The following MUC4 variants were observed in gnomAD, a reference collection of about 807,000 sequenced individuals.
The protein encoded by MUC4 is mucin 4, cell surface associated.
Under a neutral mutation model 257.9 loss-of-function variants are expected in MUC4, and 202 were observed. The observed-to-expected ratio is 0.78, with a 90% CI of 0.70 to 0.88. The LOEUF is 0.88. Ranked by LOEUF, MUC4 falls within the 40% of genes least tolerant of loss-of-function variation. The probability of loss-of-function intolerance (pLI) is 0.00; values close to 1 mark genes in which losing one functional copy is unlikely to be tolerated. For synonymous variants in MUC4, 2,351 were observed against 2,757.1 expected, an observed-to-expected ratio of 0.85 and a Z score of 4.62; for missense variants, 5,976 against 6,513.7, an observed-to-expected ratio of 0.92 and a Z score of 2.84.
chr3:195,792,031 A>T (rs907612024), intron 1 of MUC4, among the ~76,000 whole-genome samples: 2 of 152,206 alleles, frequency 1.3e-5, no homozygotes, highest in Admixed American at 1.3e-4. Flanking sequence ...AACCATGAAA[A>T]CCCTAGAAGA....
chr3:195,768,892 C>T, intron 7 of MUC4, 130 bp downstream of exon 7: 1 of 1,221,982 alleles, frequency 8.2e-7, no homozygotes, highest in Non-Finnish European at 1.1e-6. Context: ...GAGCTGGAGT[C>T]AGCGTGAGTC....
rs1477932996 is a variant in MUC4, at chr3:195,777,853, A to G, written c.12943+450T>C. ...TACCTTCCACATCCATACCTTCCAC[A>G]CCCATACCTTCCACACCCATACCTT... is the stretch of plus-strand genomic sequence containing the variant. On this transcript the variant is annotated intron_variant, in intron 3 of 24. Coordinates refer to ENST00000463781, the MANE Select transcript of MUC4 (RefSeq NM_018406.7). Among the ~76,000 whole-genome samples the G allele has an allele frequency of 6.2e-3, 430 of 69,820 alleles. 1 individual carries two copies. The highest frequency in any genetic ancestry group is 0.015 in the African/African-American group (176 of 11,666). The allele number at this position is 69,820 out of a possible 152,430, so 45.8% of individuals were successfully genotyped here. A position where few individuals can be genotyped will look rare whatever the true frequency, so the allele number is the denominator to read the frequency against.
At position 195,785,723 on chromosome 3, in the gene MUC4, G is replaced by A. The variant is rs1560368795; in HGVS notation, c.5857C>T (p.Leu1953Phe). Residue 1953 changes from leucine to phenylalanine, a missense_variant, in exon 2 of 25, where the codon CTT becomes TTT. Coordinates refer to ENST00000463781, the MANE Select transcript of MUC4 (RefSeq NM_018406.7). ...SSASSGHTTP[L>F]PVTDASSVPT... Reference sequence around the variant, plus strand: ...ACTGAGGAAGCGTCGGTGACAGGAAGAGGGGTGGTGTGACCTGAGGATGCT... The same window carrying A: ...ACTGAGGAAGCGTCGGTGACAGGAAAAGGGGTGGTGTGACCTGAGGATGCT... 1 of 1,382,026 alleles carries A rather than the reference G, an allele frequency of 7.2e-7. No homozygotes were observed. The highest frequency in any genetic ancestry group is 1.6e-5 in the African/African-American group (1 of 63,204). 85.6% of individuals were successfully genotyped at this position (1,382,026 alleles called of 1,614,324 possible).
chr3:195,807,184 GT>G (rs1348160163), intron 1 of MUC4, among the ~76,000 whole-genome samples: 2 of 152,134 alleles, frequency 1.3e-5, no homozygotes, highest in Non-Finnish European at 2.9e-5. Context: ...CCTCTATGAA[GT>G]AGGGCCAGGC....
At chr3:195,778,481 G>C (rs2148903193) in intron 2 of MUC4, 26 bp from the exon 3 acceptor site, 1 of 1,608,004 alleles carries the variant, frequency 6.2e-7, no homozygotes, top group Non-Finnish European at 8.5e-7. Context: ...GACAAGGCGG[G>C]GTGTTTCTTA....
chr3:195,801,034 A>T (rs1239372382), intron 1 of MUC4, among the ~76,000 whole-genome samples: 1 of 152,104 alleles, frequency 6.6e-6, no homozygotes, highest in Non-Finnish European at 1.5e-5. Flanking sequence ...GATAGTATCC[A>T]CTCTTAACAA....
In MUC4 at chr3:195,784,497, T is replaced by G. The variant is rs1484143994; in HGVS notation, c.7083A>C (p.Val2361=). Residue 2361 remains valine, a synonymous_variant, in exon 2 of 25, where the codon GTA becomes GTC. Transcript: ENST00000463781. ...TPLHVTDASS[V]STGDTTPLPV... is the part of the protein sequence containing the mutation. ...GAAGAGGGGTGGTGTCACCTGTGGA[T>G]ACTGAGGAAGCGTCGGTGACATGAA... The G allele has an allele frequency of 6.5e-7, 1 of 1,533,628 alleles. No individual in the cohort carries two copies. The highest frequency in any genetic ancestry group is 1.6e-5 in the African/African-American group (1 of 64,462).
intron 4 of MUC4, among the ~76,000 whole-genome samples, chr3:195,772,653 A>G (rs865969768): frequency 1.9e-4 from 18 of 95,226 alleles, no homozygotes; most frequent in African/African-American, 5.5e-4. Context: ...TCTCTCTATC[A>G]CTCAGCAGGT....
rs762238021 is a variant in MUC4, at chr3:195,780,023, C to G, written c.11557G>C (p.Asp3853His). 2.9e-4 allele frequency: 201 copies of G among 689,750 alleles called. 19 individuals carry two copies. Among genetic ancestry groups the G allele is most frequent in the Middle Eastern group, 2.6e-3 (5 of 1,914 alleles). The allele number at this position is 689,750 out of a possible 1,614,324, so 42.7% of individuals were successfully genotyped here. ...VTIPSSVSTG[D>H]TMPLPVTSPS... ...CTAGTGACAGGAAGAGGCATGGTGTCACCTGTGGATACTGAGGAAGGGATG... is the reference window on the plus strand; with the variant it reads ...CTAGTGACAGGAAGAGGCATGGTGTGACCTGTGGATACTGAGGAAGGGATG... The change falls in exon 2 of 25, where the codon GAC becomes CAC. Residue 3853 changes from aspartate (D) to histidine (H), a missense_variant. This residue lies in a region of MUC4 where 330 missense variants were observed against 262.0 expected (regional missense o/e 1.26). Transcript: ENST00000463781.
intron 8 of MUC4, 114 bp from the exon 9 acceptor site, chr3:195,765,563 C>T (rs964140047): frequency 9.5e-7 from 1 of 1,054,302 alleles, no homozygotes; most frequent in Non-Finnish European, 1.3e-6. Flanking sequence ...CACTTCTCAC[C>T]TCTTTGGACC....
intron 1 of MUC4, among the ~76,000 whole-genome samples, chr3:195,799,952 T>C (rs1735086778): frequency 6.6e-6 from 1 of 152,168 alleles, no homozygotes; most frequent in Admixed American, 6.5e-5. Flanking sequence ...ACAGGCCCCA[T>C]CCCTCACCTG....
intron 5 of MUC4, among the ~76,000 whole-genome samples, chr3:195,771,425 T>A (rs1210706898): frequency 6.6e-6 from 1 of 151,350 alleles, no homozygotes; most frequent in Non-Finnish European, 1.5e-5. Context: ...TCCTGGTCAG[T>A]CTCGTGGTTG....
At chr3:195,800,234 C>T (rs905780705) in intron 1 of MUC4, among the ~76,000 whole-genome samples, 3 of 151,832 alleles carry the variant, frequency 2.0e-5, no homozygotes, top group Middle Eastern at 3.2e-3. Context: ...GCCGAGATCG[C>T]GCCACTGCAC....
At position 195,791,274 on chromosome 3, in the gene MUC4, A is replaced by C. The variant is rs540508077; in HGVS notation, c.306T>G (p.Phe102Leu). 1 of 1,451,262 alleles carries C rather than the reference A, an allele frequency of 6.9e-7. No individual in the cohort carries two copies. The highest frequency in any genetic ancestry group is 1.2e-5 in the South Asian group (1 of 82,276). 89.9% of individuals were successfully genotyped at this position (1,451,262 alleles called of 1,614,324 possible). ...TCACATTGTGTACACTTGGGGAAGA[A>C]AAAAGAGTTGATGTCATCATCTGCG... is the stretch of plus-strand genomic sequence containing the variant. ...TLTQMMTSTL[F>L]SSPSVHNVME... Residue 102 changes from phenylalanine to leucine, a missense_variant, in exon 2 of 25, where the codon TTT becomes TTG. Phe to Leu is a conservative substitution (Grantham distance 22). Transcript: ENST00000463781.
At chr3:195,762,047 G>A in intron 14 of MUC4, 40 bp downstream of exon 14, 1 of 1,550,326 alleles carries the variant, frequency 6.5e-7, no homozygotes. Context: ...GCTCCGGCTG[G>A]CTCCGCGGAG....
At chr3:195,775,626 C>T in intron 3 of MUC4, among the ~76,000 whole-genome samples, 1 of 101,796 alleles carries the variant, frequency 9.8e-6, no homozygotes, top group East Asian at 3.1e-4. Flanking sequence ...ACAGTCATAC[C>T]TTCCACACCC....
intron 16 of MUC4, among the ~76,000 whole-genome samples, chr3:195,760,388 G>A (rs886654844): frequency 1.3e-5 from 2 of 152,190 alleles, no homozygotes; most frequent in Non-Finnish European, 2.9e-5. Flanking sequence ...CAGCACGTGT[G>A]AAGCCTGGGA....
At chr3:195,799,597 C>G (rs1489787500) in intron 1 of MUC4, among the ~76,000 whole-genome samples, 1 of 152,112 alleles carries the variant, frequency 6.6e-6, no homozygotes, top group Non-Finnish European at 1.5e-5. Flanking sequence ...CCACCGCGCC[C>G]GGCCTAAACA....
rs372060259 is a variant in MUC4 at position 195,750,849 on chromosome 3, G to A, written c.15871+40C>T. 8 of 1,582,360 alleles carry A rather than the reference G, an allele frequency of 5.1e-6. No homozygotes were observed. In the African/African-American group the frequency reaches 8.1e-5, roughly 16 times the overall value. The stretch of plus-strand genomic sequence containing the variant: ...AAGCACCTCTGTTTGCCCGCCCCCC[G>A]CAGTGACCCCCATAGTGTCCCCGGA... On this transcript the variant is annotated intron_variant, in intron 23 of 24. Transcript: ENST00000463781.
Sources: gnomAD v4.1 joint callset for allele counts (sites outside exome capture counted in the v4.1 genomes callset) on GRCh38, gnomAD v4.1.1 for gene constraint, gnomAD v4.1.1 regional missense constraint, MANE v1.5 for transcripts, NCBI Gene and HGNC (gene_info 2026-07-23, HGNC 2026-07-21) for gene names.